PIGL: variants seen among roughly 807,000 people sequenced by gnomAD.
PIGL encodes phosphatidylinositol glycan anchor biosynthesis class L, also known as N-acetylglucosaminyl-phosphatidylinositol de-N-acetylase.
PIGL carries 22 observed loss-of-function variants against 31.1 expected under a neutral mutation model. The observed-to-expected ratio is 0.71, with a 90% CI of 0.51 to 1.01. The LOEUF is 1.01. Among genes scored for constraint, PIGL ranks in the 50% least tolerant of loss-of-function variants. The pLI, the probability that PIGL is intolerant of heterozygous loss-of-function variation, is 0.00. For missense variants in PIGL, 302 were observed against 315.9 expected, an observed-to-expected ratio of 0.96 and a Z score of 0.33; for synonymous variants, 131 against 117.4, an observed-to-expected ratio of 1.12 and a Z score of -0.75.
intron 2 of PIGL, among the ~76,000 whole-genome samples, chr17:16,289,029 G>A (rs2092949588): frequency 6.6e-6 from 1 of 152,110 alleles, no homozygotes; most frequent in Admixed American, 6.6e-5. Flanking sequence ...AAAGGTCTAG[G>A]TGCAAGGTAC....
intron 4 of PIGL, among the ~76,000 whole-genome samples, chr17:16,314,187 T>C (rs1357771433): frequency 6.6e-6 from 1 of 152,222 alleles, no homozygotes; most frequent in Non-Finnish European, 1.5e-5. Flanking sequence ...TTGAGTGACA[T>C]AGAGTCATAC....
chr17:16,246,746 C>T (rs552532338), intron 2 of PIGL, among the ~76,000 whole-genome samples: 40 of 126,914 alleles, frequency 3.2e-4, no homozygotes, highest in Middle Eastern at 5.8e-3. Flanking sequence ...ACTGCAGTGG[C>T]GCAATCTCGG....
intron 2 of PIGL, among the ~76,000 whole-genome samples, chr17:16,249,716 G>A (rs2142723976): frequency 6.6e-6 from 1 of 152,310 alleles, no homozygotes; most frequent in South Asian, 2.1e-4. Context: ...CCAAAGACAG[G>A]AGAAGAAGAA....
At position 16,246,600 on chromosome 17, in the gene PIGL, G is replaced by A. The variant is rs572746453; in HGVS notation, c.335+12530G>A. Among the ~76,000 whole-genome samples the A allele has an allele frequency of 3.3e-4, 50 of 150,706 alleles. No homozygotes were observed. In the South Asian group the frequency reaches 6.5e-3, roughly 20 times the overall value. On this transcript the variant is annotated intron_variant, in intron 2 of 6. Transcript: ENST00000225609. The stretch of plus-strand genomic sequence containing the variant: ...GCTTGGGCTCCCTTAACAAAATACC[G>A]TAGACAGTGTGGCTTAAACAATAGA...
At chr17:16,318,909 T>C (rs1421853861) in intron 6 of PIGL, among the ~76,000 whole-genome samples, 4 of 147,740 alleles carry the variant, frequency 2.7e-5, no homozygotes, top group Non-Finnish European at 4.5e-5. Flanking sequence ...CCAGCCTGGG[T>C]GACAGAGAGG....
At chr17:16,262,229 A>G (rs2092822160) in intron 2 of PIGL, among the ~76,000 whole-genome samples, 1 of 152,164 alleles carries the variant, frequency 6.6e-6, no homozygotes, top group Non-Finnish European at 1.5e-5. Flanking sequence ...TCTCAAGAGA[A>G]AAAAGACAAT....
At chr17:16,239,036 C>A (rs1170820297) in intron 2 of PIGL, among the ~76,000 whole-genome samples, 1 of 151,256 alleles carries the variant, frequency 6.6e-6, no homozygotes, top group African/African-American at 2.4e-5. Context: ...AGCCACCTTG[C>A]CCGACCTGAA....
chr17:16,300,988 G>C (rs1654412193), intron 3 of PIGL, among the ~76,000 whole-genome samples: 1 of 152,142 alleles, frequency 6.6e-6, no homozygotes, highest in South Asian at 2.1e-4. Context: ...TGCCAAGGAG[G>C]CTTACTGTCT....
At chr17:16,290,692 TTTG>T (rs55795531) in intron 2 of PIGL, among the ~76,000 whole-genome samples, 3,083 of 152,084 alleles carry the variant, frequency 0.02, 45 homozygotes, top group South Asian at 0.044. Context: ...CCCAGACTTT[TTTG>T]TTGTTGTTGT....
At chr17:16,308,122 C>G (rs1300894275) in intron 3 of PIGL, among the ~76,000 whole-genome samples, 1 of 152,124 alleles carries the variant, frequency 6.6e-6, no homozygotes, top group African/African-American at 2.4e-5. Flanking sequence ...ATCACGAGGT[C>G]AGGAGTTTGA....
At chr17:16,307,842 G>A (rs1301768731) in intron 3 of PIGL, among the ~76,000 whole-genome samples, 2 of 151,638 alleles carry the variant, frequency 1.3e-5, no homozygotes, top group East Asian at 1.9e-4. Context: ...CCGGTGGCAC[G>A]TGCCTATAGT....
intron 3 of PIGL, among the ~76,000 whole-genome samples, chr17:16,303,523 C>A (rs2093013607): frequency 6.6e-6 from 1 of 151,808 alleles, no homozygotes; most frequent in Non-Finnish European, 1.5e-5. Context: ...AAAACAGCTC[C>A]TTACTAATAA....
At chr17:16,218,696 T>TC (rs1555846126) in intron 1 of PIGL, among the ~76,000 whole-genome samples, 24 of 150,580 alleles carry the variant, frequency 1.6e-4, no homozygotes, top group Admixed American at 4.0e-4. Flanking sequence ...TTTTTTTTTT[T>TC]CTGAGATAGT....
chr17:16,222,705 C>G (rs2092634799), intron 1 of PIGL, among the ~76,000 whole-genome samples: 1 of 149,586 alleles, frequency 6.7e-6, no homozygotes, highest in Non-Finnish European at 1.5e-5. Flanking sequence ...GTTCATCAAG[C>G]TGCTATTAAA....
intron 2 of PIGL, among the ~76,000 whole-genome samples, chr17:16,287,318 T>A (rs1377613198): frequency 6.6e-6 from 1 of 152,240 alleles, no homozygotes; most frequent in Non-Finnish European, 1.5e-5. Context: ...TTCTTTATCT[T>A]CCTGGGAAGA....
intron 2 of PIGL, among the ~76,000 whole-genome samples, chr17:16,289,237 T>A (rs912454200): frequency 1.3e-5 from 2 of 152,254 alleles, no homozygotes; most frequent in Non-Finnish European, 2.9e-5. Context: ...TTATCATTTC[T>A]GAGCTGAGAG....
intron 3 of PIGL, among the ~76,000 whole-genome samples, chr17:16,311,832 A>T (rs2093051931): frequency 6.6e-6 from 1 of 151,984 alleles, no homozygotes; most frequent in Non-Finnish European, 1.5e-5. Flanking sequence ...AGTACAGAAC[A>T]AAATGAAGTC....
At chr17:16,247,252 C>A (rs1461571515) in intron 2 of PIGL, among the ~76,000 whole-genome samples, 1 of 152,138 alleles carries the variant, frequency 6.6e-6, no homozygotes, top group Non-Finnish European at 1.5e-5. Context: ...GTTGAGGACA[C>A]TATTCAGTTC....
intron 1 of PIGL, among the ~76,000 whole-genome samples, chr17:16,220,480 ATTTTTTTT>A (rs745948237): frequency 3.5e-5 from 2 of 57,212 alleles, no homozygotes; most frequent in East Asian, 5.2e-4. Flanking sequence ...TTAAATTGTT[ATTTTTTTT>A]TTTTTTTTTT....
Sources: allele counts gnomAD v4.1 joint callset (sites outside exome capture counted in the v4.1 genomes callset), GRCh38; gene constraint gnomAD v4.1.1; transcripts MANE v1.5; gene names NCBI Gene and HGNC (gene_info 2026-07-23, HGNC 2026-07-21).